The following AHNAK2 variants were observed in gnomAD, a reference collection of about 807,000 sequenced individuals.
AHNAK2 encodes protein AHNAK2.
Under a neutral mutation model 30.7 loss-of-function variants are expected in AHNAK2, and 18 were observed. The ratio of observed to expected loss-of-function variants is 0.59; its 90% confidence interval spans 0.41 to 0.87. AHNAK2 has a LOEUF of 0.87. Ranked by LOEUF, AHNAK2 falls within the 40% of genes least tolerant of loss-of-function variation. The pLI, the probability that AHNAK2 is intolerant of heterozygous loss-of-function variation, is 0.00. For missense variants in AHNAK2, 8,604 were observed against 7,373.0 expected, an observed-to-expected ratio of 1.17 and a Z score of -6.11; for synonymous variants, 3,590 against 3,073.8, an observed-to-expected ratio of 1.17 and a Z score of -5.56.
chr14:104,954,024 T>A lies in AHNAK2; in HGVS notation c.1427A>T (p.Gln476Leu). ...CACCCTAATTTCTGGTGGGCCAATC[T>A]GTGTGCCTCCTTCGGTTGTGTCTCT... ...SLRDTTEGGT[Q>L]IGPPEIRVRV... is the part of the protein sequence containing the mutation. Residue 476 changes from glutamine (Q) to leucine (L), a missense_variant, in exon 7 of 7, where the codon CAG (glutamine) becomes CTG (leucine). Physicochemically the swap from Gln to Leu is moderately radical, Grantham distance 113. Transcript: ENST00000333244. This position sits in a 1 kb window ranked among gnomAD's most constrained non-coding sequence, Gnocchi z 4.3. 6.2e-7 allele frequency: 1 copy of A among 1,613,752 alleles called. No individual in the cohort carries two copies. The highest frequency in any genetic ancestry group is 8.5e-7 in the Non-Finnish European group (1 of 1,179,864).
Position 104,950,208 on chromosome 14 carries a change from C to T in AHNAK2, c.5243G>A (p.Ser1748Asn), listed in dbSNP as rs1260638679. ...KGHLPKVQMP[S>N]LKMPKVALKG... is the part of the protein sequence containing the mutation. ...GAGGGCCACTTTGGGCATCTTCAAA[C>T]TGGGCATCTGCACCTTGGGGAGGTG... The change falls in exon 7 of 7, where the codon AGT (serine) becomes AAT (asparagine). Residue 1748 changes from serine (S) to asparagine (N), a missense_variant. Ser to Asn is a conservative substitution (Grantham distance 46, BLOSUM62 1). Coordinates refer to ENST00000333244, the MANE Select transcript of AHNAK2 (RefSeq NM_138420.4). The T allele has an allele frequency of 6.3e-7, 1 of 1,586,092 alleles. No homozygotes were observed. The highest frequency in any genetic ancestry group is 8.6e-7 in the Non-Finnish European group (1 of 1,162,916).
chr14:104,970,959 T>A (rs548872800), intron 1 of AHNAK2, among the ~76,000 whole-genome samples: 1 of 151,966 alleles, frequency 6.6e-6, no homozygotes, highest in Non-Finnish European at 1.5e-5. Context: ...GCCCCCATGG[T>A]CACTGGGCCA....
chr14:104,969,936 A>C (rs1163875275), intron 1 of AHNAK2, among the ~76,000 whole-genome samples: 1 of 151,962 alleles, frequency 6.6e-6, no homozygotes, highest in Non-Finnish European at 1.5e-5. Flanking sequence ...CCCCCAGGAG[A>C]GTAAACCTGG....
At position 104,946,753 on chromosome 14, in the gene AHNAK2, G is replaced by C. The variant is rs1161140567; in HGVS notation, c.8698C>G (p.Gln2900Glu). 1.9e-6 allele frequency: 3 copies of C among 1,612,666 alleles called. No homozygotes were observed. Among genetic ancestry groups the C allele is most frequent in the Non-Finnish European group, 2.5e-6 (3 of 1,179,544 alleles). The change falls in exon 7 of 7, where the codon CAG becomes GAG. Residue 2900 changes from glutamine (Q) to glutamate (E), a missense_variant. Transcript: ENST00000333244. ...AGLKGHLPKV[Q>E]MPSFKMPKVD... ...TTGGGCATCTTGAAACTGGGCATCT[G>C]CACCTTGGGCAGGTGCCCTTTGAGG... is the stretch of plus-strand genomic sequence containing the variant.
intron 1 of AHNAK2, among the ~76,000 whole-genome samples, chr14:104,969,628 T>C (rs997887304): frequency 2.6e-5 from 4 of 152,188 alleles, no homozygotes; most frequent in Non-Finnish European, 5.9e-5. Context: ...TCAGATCTCC[T>C]GGAAAAGCCT....
Position 104,957,445 on chromosome 14 carries a change from C to T in AHNAK2, c.178G>A (p.Glu60Lys), listed in dbSNP as rs1311575783. The change falls in exon 3 of 7, where the codon GAA (glutamate) becomes AAA (lysine). Residue 60 changes from glutamate to lysine, a missense_variant. By Grantham distance (56) the Glu-to-Lys change is moderately conservative. Coordinates refer to ENST00000333244, the MANE Select transcript of AHNAK2 (RefSeq NM_138420.4). The part of the protein sequence containing the change: ...PRPQGSSPVY[E>K]YTTEAADFGL... The stretch of plus-strand genomic sequence containing the variant: ...AAGTCGGCAGCCTCAGTCGTGTATT[C>T]GTAGACAGGTGAAGACCCCTGCGGC... The T allele has an allele frequency of 1.3e-6, 2 of 1,598,972 alleles. No homozygotes were observed. The highest frequency in any genetic ancestry group is 1.7e-6 in the Non-Finnish European group (2 of 1,169,264).
chr14:104,961,435 AC>A (rs200578272), intron 1 of AHNAK2, among the ~76,000 whole-genome samples: 15,052 of 150,290 alleles, frequency 0.1, 1,023 homozygotes, highest in Non-Finnish European at 0.16. Context: ...AATGGCGTGA[AC>A]CCCGGGGGGC....
intron 1 of AHNAK2, among the ~76,000 whole-genome samples, chr14:104,974,526 C>T (rs574272887): frequency 1.3e-4 from 20 of 152,368 alleles, no homozygotes; most frequent in African/African-American, 3.8e-4. Flanking sequence ...TGACCAGTCC[C>T]GGTCTCCATT....
intron 1 of AHNAK2, among the ~76,000 whole-genome samples, chr14:104,961,726 A>G (rs1899154911): frequency 1.3e-5 from 2 of 152,216 alleles, no homozygotes; most frequent in South Asian, 4.1e-4. Context: ...TAATCCCAGC[A>G]CTTTAGGAGA....
rs751909726 is a variant in AHNAK2, at chr14:104,943,192, C to T, written c.12259G>A (p.Val4087Met). ...GACATCTTCACATCAGGGGCTGTCA[C>T]TTCCGCCTTGGGGCCTTTCAGGTCC... The part of the protein sequence containing the change: ...KLDLKGPKAE[V>M]TAPDVKMSLS... The change falls in exon 7 of 7, where the codon GTG becomes ATG. Residue 4087 changes from valine to methionine, a missense_variant. Coordinates refer to ENST00000333244, the MANE Select transcript of AHNAK2 (RefSeq NM_138420.4). 1 of 1,613,486 alleles carries T rather than the reference C, an allele frequency of 6.2e-7. No homozygotes were observed. The highest frequency in any genetic ancestry group is 8.5e-7 in the Non-Finnish European group (1 of 1,179,704).
chr14:104,946,947 G>T lies in AHNAK2; in HGVS notation c.8504C>A (p.Ser2835Ter). Residue 2835 changes from serine (S) to a stop codon, truncating the protein, a stop_gained, in exon 7 of 7, where the codon TCG (serine) becomes TAG (stop). Transcript: ENST00000333244. LOFTEE classifies it low-confidence loss of function (END_TRUNC). ...VSAPGKSIEA[S>*]VDVSELKVEA... ...CACCTTCAGCTCAGACACATCCACC[G>T]AGGCCTCGATGGACTTGCCTGGGGC... The T allele has an allele frequency of 6.2e-7, 1 of 1,611,254 alleles. No homozygotes were observed. Among genetic ancestry groups the T allele is most frequent in the Non-Finnish European group, 8.5e-7 (1 of 1,179,240 alleles).
Position 104,940,349 on chromosome 14 carries a change from AG to A in AHNAK2, c.15101del (p.Ser5034LeufsTer52), listed in dbSNP as rs746934978. On this transcript the variant is annotated frameshift_variant, in exon 7 of 7. Coordinates refer to ENST00000333244, the MANE Select transcript of AHNAK2 (RefSeq NM_138420.4). LOFTEE classifies it low-confidence loss of function (END_TRUNC). This position sits in a 1 kb window ranked among gnomAD's most constrained non-coding sequence, Gnocchi z 4.4. ...PKLALPKMKA[S>X]KSGVSLPQRD... is the part of the protein sequence containing the mutation. ...TCTGTGGCAGGCTGACCCCACTCTT[AG>A]AAGCCTTCATTTTGGGAAGTGCAAG... 128 of 1,613,700 alleles carry A rather than the reference AG, an allele frequency of 7.9e-5. No individual in the cohort carries two copies. Among genetic ancestry groups the A allele is most frequent in the Non-Finnish European group, 1.0e-4 (123 of 1,179,898 alleles).
At position 104,954,720 on chromosome 14, in the gene AHNAK2, G is replaced by C; in HGVS notation, c.731C>G (p.Ser244Cys). Residue 244 changes from serine to cysteine, a missense_variant, in exon 7 of 7, where the codon TCC (serine) becomes TGC (cysteine). Coordinates refer to ENST00000333244, the MANE Select transcript of AHNAK2 (RefSeq NM_138420.4). The surrounding 1 kb of genome is among the most constrained non-coding windows in gnomAD (Gnocchi z 4.3). ...CCTGCCTCTCCCCACCCTTGGTTTG[G>C]AGATGAGTCTCTCTTGGTCCCCATC... ...EGDGDQERLI[S>C]KPRVGRGRQS... The C allele has an allele frequency of 6.2e-7, 1 of 1,612,460 alleles. No homozygotes were observed. Among genetic ancestry groups the C allele is most frequent in the Non-Finnish European group, 8.5e-7 (1 of 1,179,434 alleles).
At position 104,943,931 on chromosome 14, in the gene AHNAK2, G is replaced by T. The variant is rs1286885661; in HGVS notation, c.11520C>A (p.Pro3840=). The change falls in exon 7 of 7, where the codon CCC becomes CCA. Residue 3840 remains proline, a synonymous_variant. Coordinates refer to ENST00000333244, the MANE Select transcript of AHNAK2 (RefSeq NM_138420.4). The part of the protein sequence containing the change: ...APKVEADVSL[P]SMQGDLKTTD... ...TGGTCTTGAGGTCCCCCTGCATGGA[G>T]GGGAGACTCACATCGGCCTCCACCT... is the stretch of plus-strand genomic sequence containing the variant. 1 of 1,612,518 alleles carries T rather than the reference G, an allele frequency of 6.2e-7. No homozygotes were observed. The highest frequency in any genetic ancestry group is 1.1e-5 in the South Asian group (1 of 91,016).
rs1898183816 is a variant in AHNAK2 at position 104,945,030 on chromosome 14, T to C, written c.10421A>G (p.Lys3474Arg). Residue 3474 changes from lysine (K) to arginine (R), a missense_variant, in exon 7 of 7, where the codon AAA (lysine) becomes AGA (arginine). Lys to Arg is a conservative substitution (Grantham distance 26). Coordinates refer to ENST00000333244, the MANE Select transcript of AHNAK2 (RefSeq NM_138420.4). ...KDVTAKDSKFKMPKFKMPSFG... is the reference protein window; with the variant it reads ...KDVTAKDSKFRMPKFKMPSFG... Reference sequence around the variant, plus strand: ...GGAGGGCATCTTGAACTTGGGCATTTTGAACTTGCTGTCTTTGGCAGTCAC... The same window carrying C: ...GGAGGGCATCTTGAACTTGGGCATTCTGAACTTGCTGTCTTTGGCAGTCAC... 1 of 1,612,780 alleles carries C rather than the reference T, an allele frequency of 6.2e-7. No individual in the cohort carries two copies. Among genetic ancestry groups the C allele is most frequent in the East Asian group, 2.2e-5 (1 of 44,716 alleles).
At chr14:104,973,834 T>C (rs1013436628) in intron 1 of AHNAK2, among the ~76,000 whole-genome samples, 1 of 152,092 alleles carries the variant, frequency 6.6e-6, no homozygotes, top group Non-Finnish European at 1.5e-5. Flanking sequence ...AAGCACACAT[T>C]GGGTCAGCAG....
Position 104,945,355 on chromosome 14 carries a change from C to A in AHNAK2, c.10096G>T (p.Glu3366Ter). The change falls in exon 7 of 7, where the codon GAG becomes TAG. Residue 3366 changes from glutamate (E) to a stop codon, truncating the protein, a stop_gained. Coordinates refer to ENST00000333244, the MANE Select transcript of AHNAK2 (RefSeq NM_138420.4). LOFTEE classifies it low-confidence loss of function (END_TRUNC). ...ACGTCCACCTGGCCAGCCTGGACCT[C>A]CAGGTCCACAGAAGGGAGCTGAATG... Reference protein sequence around the residue: ...LSIQLPSVDLEVQAGQVDVKL... With the variant: ...LSIQLPSVDL 2 of 1,612,636 alleles carry A rather than the reference C, an allele frequency of 1.2e-6. No homozygotes were observed. The highest frequency in any genetic ancestry group is 1.7e-6 in the Non-Finnish European group (2 of 1,179,510).
chr14:104,971,384 G>A lies in AHNAK2; in HGVS notation c.55+6799C>T, dbSNP rs369819538. ...CCCGCCTTGGCCTCCCAAGTGGCTGGGGCTGCAGGCACACACCAGCACGCC... is the reference window on the plus strand; with the variant it reads ...CCCGCCTTGGCCTCCCAAGTGGCTGAGGCTGCAGGCACACACCAGCACGCC... On this transcript the variant is annotated intron_variant, in intron 1 of 6. Coordinates refer to ENST00000333244, the MANE Select transcript of AHNAK2 (RefSeq NM_138420.4). Among the ~76,000 whole-genome samples, 20 of 152,242 alleles carry A rather than the reference G, an allele frequency of 1.3e-4. No individual in the cohort carries two copies. The East Asian group carries it at 2.9e-3, about 22-fold the overall frequency.
In AHNAK2 at chr14:104,944,228, C is replaced by A. The variant is rs1296919881; in HGVS notation, c.11223G>T (p.Val3741=). The A allele has an allele frequency of 1.2e-6, 2 of 1,608,590 alleles. No individual in the cohort carries two copies. Among genetic ancestry groups the A allele is most frequent in the Non-Finnish European group, 1.7e-6 (2 of 1,177,802 alleles). Residue 3741 remains valine (V), a synonymous_variant, in exon 7 of 7, where the codon GTG becomes GTT. Transcript: ENST00000333244. ...GGTCCAGCTTGGGGCCCTTGATGTC[C>A]ACCTGGGGGCCCTTGAGGTCCACTT... ...MPKVDLKGPQ[V]DIKGPKLDLK... is the part of the protein sequence containing the mutation.
Sources: gnomAD v4.1 joint callset for allele counts (sites outside exome capture counted in the v4.1 genomes callset) on GRCh38, gnomAD v4.1.1 for gene constraint, Gnocchi (gnomAD v3.1) non-coding constraint, MANE v1.5 for transcripts, NCBI Gene and HGNC (gene_info 2026-07-23, HGNC 2026-07-21) for gene names.